CENPP: variants seen among roughly 807,000 people sequenced by gnomAD.
CENPP encodes the protein centromere protein P.
In CENPP, 24 loss-of-function variants were observed where a neutral mutation model predicts 35.6. The observed-to-expected ratio is 0.67, with a 90% confidence interval of 0.49 to 0.95. The LOEUF is 0.95. Ranked by LOEUF, CENPP falls within the 40% of genes least tolerant of loss-of-function variation. The pLI is 0.00. For missense variants in CENPP, 332 were observed against 345.3 expected, an observed-to-expected ratio of 0.96 and a Z score of 0.31; for synonymous variants, 120 against 125.5, an observed-to-expected ratio of 0.96 and a Z score of 0.29.
At chr9:92,600,521 G>C (rs753614560) in intron 5 of CENPP, 4 of 1,612,850 alleles carry the variant, frequency 2.5e-6, no homozygotes, top group Non-Finnish European at 3.4e-6. Context: ...AAGTGCTGAG[G>C]GCTGGGCCAC....
intron 5 of CENPP, among the ~76,000 whole-genome samples, chr9:92,546,572 C>A (rs775609321): frequency 2.0e-5 from 3 of 152,042 alleles, no homozygotes; most frequent in East Asian, 1.9e-4. Context: ...CCTGAGCCAG[C>A]GAGACCACGA....
At chr9:92,542,533 C>T (rs1442901396) in intron 5 of CENPP, among the ~76,000 whole-genome samples, 2 of 150,146 alleles carry the variant, frequency 1.3e-5, no homozygotes, top group Non-Finnish European at 1.5e-5. Context: ...GATGGAGTCT[C>T]GCTCTGTCTC....
intron 4 of CENPP, among the ~76,000 whole-genome samples, chr9:92,367,316 G>A (rs1432756806): frequency 2.6e-5 from 4 of 151,936 alleles, no homozygotes; most frequent in African/African-American, 9.7e-5. Context: ...ACAGGGGCAC[G>A]CCACCACACC....
At chr9:92,567,367 A>AAGATAGATATAT (rs1554688210) in intron 5 of CENPP, among the ~76,000 whole-genome samples, 2 of 103,710 alleles carry the variant, frequency 1.9e-5, no homozygotes, top group East Asian at 5.6e-4. Context: ...ACAGTTACAT[A>AAGATAGATATAT]AGATAGATAT....
chr9:92,612,848 G>A (rs41301531), intron 7 of CENPP, among the ~76,000 whole-genome samples, 171 bp from the exon 8 acceptor site: 3,837 of 152,254 alleles, frequency 0.025, 65 homozygotes, highest in Middle Eastern at 0.051. Context: ...GCCTCCAGCC[G>A]TAGGTGAGGC....
chr9:92,533,676 A>T (rs992049633), intron 5 of CENPP, among the ~76,000 whole-genome samples: 2 of 152,152 alleles, frequency 1.3e-5, no homozygotes, highest in East Asian at 3.9e-4. Context: ...TTTCTTGCAG[A>T]AATATATCCT....
At chr9:92,465,036 G>A in intron 5 of CENPP, 1 of 1,577,672 alleles carries the variant, frequency 6.3e-7, no homozygotes, top group Non-Finnish European at 8.7e-7. Context: ...ATTTCTGTCA[G>A]GGGAGAATGA....
At chr9:92,512,073 C>T in intron 5 of CENPP, 2 of 1,613,858 alleles carry the variant, frequency 1.2e-6, no homozygotes, top group Non-Finnish European at 1.7e-6. Context: ...TCAAGCCTTT[C>T]CAAATTTGGT....
At chr9:92,459,714 A>G (rs200074927) in intron 5 of CENPP, 2 of 1,613,440 alleles carry the variant, frequency 1.2e-6, no homozygotes, top group Non-Finnish European at 1.7e-6. Flanking sequence ...CACACGTGGT[A>G]TGTTAGCAAG....
At chr9:92,592,490 T>C (rs1303287355) in intron 5 of CENPP, among the ~76,000 whole-genome samples, 1 of 152,232 alleles carries the variant, frequency 6.6e-6, no homozygotes, top group Non-Finnish European at 1.5e-5. Flanking sequence ...CGATCATTCA[T>C]CTCATTGCTG....
At chr9:92,336,263 A>C (rs1171584346) in intron 2 of CENPP, among the ~76,000 whole-genome samples, 1 of 152,182 alleles carries the variant, frequency 6.6e-6, no homozygotes, top group Non-Finnish European at 1.5e-5. Context: ...TCTAATTAGG[A>C]AGCAAATTAT....
intron 5 of CENPP, among the ~76,000 whole-genome samples, chr9:92,562,207 C>CTTT (rs1403227581): frequency 7.6e-6 from 1 of 131,420 alleles, no homozygotes. Context: ...TTTTTCTTTT[C>CTTT]TTTTTTTTTT....
At chr9:92,594,894 T>TC (rs1850741897) in intron 5 of CENPP, among the ~76,000 whole-genome samples, 1 of 143,838 alleles carries the variant, frequency 7.0e-6, no homozygotes, top group South Asian at 2.3e-4. Context: ...TTGCTCTTCT[T>TC]TTTTTTTTTT....
intron 5 of CENPP, among the ~76,000 whole-genome samples, chr9:92,605,371 T>C (rs189672344): frequency 3.9e-5 from 6 of 151,942 alleles, no homozygotes; most frequent in Non-Finnish European, 7.4e-5. Context: ...TTTTTTTTTT[T>C]ACATGTGGAT....
intron 5 of CENPP, among the ~76,000 whole-genome samples, chr9:92,433,850 T>A (rs1453566388): frequency 6.6e-6 from 1 of 152,084 alleles, no homozygotes; most frequent in Non-Finnish European, 1.5e-5. Flanking sequence ...GAGAATCGCT[T>A]GAACCCGGGA....
intron 5 of CENPP, among the ~76,000 whole-genome samples, chr9:92,479,832 C>T (rs948631988): frequency 6.6e-6 from 1 of 152,152 alleles, no homozygotes; most frequent in Admixed American, 6.5e-5. Flanking sequence ...CTTGCTGGGT[C>T]TCTTCCACTG....
chr9:92,614,589 T>G lies in CENPP; in HGVS notation c.*1440T>G, dbSNP rs1235206737. 2.0e-5 allele frequency: 3 copies of G among 152,660 alleles called. No homozygotes were observed. Among genetic ancestry groups the G allele is most frequent in the Non-Finnish European group, 2.9e-5 (2 of 68,050 alleles). 9.5% of individuals were successfully genotyped at this position (152,660 alleles called of 1,614,324 possible). On this transcript the variant is annotated 3_prime_UTR_variant, in exon 8 of 8. Transcript: ENST00000375587. ...ATTCAAACAAGTATAATTCTCAAGT[T>G]ATCACAAAATTTCCCACAAAAATTT...
Position 92,326,124 on chromosome 9 carries a change from T to C in CENPP, c.107+19T>C, listed in dbSNP as rs547672629. ...GAGTCCAGTACGTGACCACCCCAAG[T>C]CCCCCAGGGCCCGCTGGCCAGGGTT... On this transcript the variant is annotated intron_variant, in intron 1 of 7. Transcript: ENST00000375587. The C allele has an allele frequency of 1.2e-5, 18 of 1,481,448 alleles. No homozygotes were observed. Among genetic ancestry groups the C allele is most frequent in the Middle Eastern group, 1.7e-4 (1 of 5,796 alleles). The allele number at this position is 1,481,448 out of a possible 1,614,324, so 91.8% of individuals were successfully genotyped here. A position where few individuals can be genotyped will look rare whatever the true frequency, so the allele number is the denominator to read the frequency against.
chr9:92,512,778 C>T (rs1458608799), intron 5 of CENPP, among the ~76,000 whole-genome samples: 1 of 152,160 alleles, frequency 6.6e-6, no homozygotes, highest in Non-Finnish European at 1.5e-5. Context: ...ACCATAAAAG[C>T]CACGTGGTGA....
Sources: gnomAD v4.1 joint callset for allele counts (sites outside exome capture counted in the v4.1 genomes callset) on GRCh38, gnomAD v4.1.1 for gene constraint, MANE v1.5 for transcripts, NCBI Gene and HGNC (gene_info 2026-07-23, HGNC 2026-07-21) for gene names.